The following CAPZB variants were observed in gnomAD, a reference collection of about 807,000 sequenced individuals.
CAPZB encodes capping actin protein of muscle Z-line subunit beta.
A neutral mutation model predicts 38.1 loss-of-function variants in CAPZB; 2 were observed. That is an observed-to-expected ratio of 0.05 (90% CI 0.02 to 0.17). The LOEUF (loss-of-function observed/expected upper bound fraction) is 0.17, where lower values mean the gene tolerates loss of function less well. Among genes scored for constraint, CAPZB ranks in the 10% least tolerant of loss-of-function variants. The probability of loss-of-function intolerance (pLI) is 1.00; values close to 1 mark genes in which losing one functional copy is unlikely to be tolerated. For missense variants in CAPZB, 161 were observed against 334.2 expected (o/e 0.48, Z 4.04); for synonymous variants, 107 against 127.4 (o/e 0.84, Z 1.08).
At chr1:19,362,470 C>T (rs1310103723) in intron 4 of CAPZB, among the ~76,000 whole-genome samples, 3 of 151,964 alleles carry the variant, frequency 2.0e-5, no homozygotes, top group Non-Finnish European at 2.9e-5. Flanking sequence ...CTCCTGGCCT[C>T]GGTCTCCACT....
At position 19,356,327 on chromosome 1, in the gene CAPZB, C is replaced by G; in HGVS notation, c.588+308G>C. Among the ~76,000 whole-genome samples the G allele has an allele frequency of 7.7e-6, 1 of 129,820 alleles. No individual in the cohort carries two copies. The highest frequency in any genetic ancestry group is 2.6e-5 in the African/African-American group (1 of 38,182). The allele number at this position is 129,820 out of a possible 152,430, so 85.2% of individuals were successfully genotyped here. A position where few individuals can be genotyped will look rare whatever the true frequency, so the allele number is the denominator to read the frequency against. On this transcript the variant is annotated intron_variant, in intron 6 of 8. Coordinates refer to ENST00000264202, the MANE Select transcript of CAPZB (RefSeq NM_004930.5). This position sits in a 1 kb window ranked among gnomAD's most constrained non-coding sequence, Gnocchi z 4.3. ...CACAGAGACGGCAAACAGGGCCAAG[C>G]ACCACTTCTCACAGCACAACATGAG... is the stretch of plus-strand genomic sequence containing the variant.
chr1:19,396,403 G>A (rs575930588), intron 2 of CAPZB, among the ~76,000 whole-genome samples: 1 of 152,188 alleles, frequency 6.6e-6, no homozygotes, highest in African/African-American at 2.4e-5. Context: ...GAGACAGACC[G>A]AAACTTGACG....
chr1:19,347,586 C>A (rs1380219110), intron 6 of CAPZB, among the ~76,000 whole-genome samples: 2 of 152,300 alleles, frequency 1.3e-5, no homozygotes, highest in South Asian at 2.1e-4. Context: ...CTATGTGGCA[C>A]CCTGTAGCAG....
At chr1:19,360,218 C>G (rs967484519) in intron 4 of CAPZB, among the ~76,000 whole-genome samples, 2 of 152,214 alleles carry the variant, frequency 1.3e-5, no homozygotes, top group Admixed American at 1.3e-4. Flanking sequence ...CAACTCATAA[C>G]AGACCTGCTA....
intron 6 of CAPZB, among the ~76,000 whole-genome samples, chr1:19,348,980 C>A (rs2093977444): frequency 6.6e-6 from 1 of 152,154 alleles, no homozygotes; most frequent in Admixed American, 6.5e-5. Flanking sequence ...GACCCTCAGA[C>A]CCCAGGGGGT....
At chr1:19,402,017 C>T (rs928766726) in intron 2 of CAPZB, among the ~76,000 whole-genome samples, 7 of 152,182 alleles carry the variant, frequency 4.6e-5, no homozygotes, top group African/African-American at 1.7e-4. Flanking sequence ...CCTATGCCCC[C>T]AGCAGTTATG....
intron 1 of CAPZB, among the ~76,000 whole-genome samples, chr1:19,474,998 C>T (rs1000210150): frequency 4.6e-5 from 7 of 152,062 alleles, no homozygotes; most frequent in Non-Finnish European, 8.8e-5. Context: ...ATGGAGGAGG[C>T]GGGAGATCAG....
chr1:19,339,464 A>T lies in CAPZB; in HGVS notation c.*66T>A. 2.4e-6 allele frequency: 3 copies of T among 1,241,022 alleles called. No individual in the cohort carries two copies. 76.9% of individuals were successfully genotyped at this position (1,241,022 alleles called of 1,614,324 possible). A position where few individuals can be genotyped will look rare whatever the true frequency, so the allele number is the denominator to read the frequency against. The stretch of plus-strand genomic sequence containing the variant: ...GGAAGGGACGAGGGAAGGGAGCAGA[A>T]AACGAGTTTTCTAAGAAAGGAATCT... On this transcript the variant is annotated 3_prime_UTR_variant, in exon 9 of 9. Coordinates refer to ENST00000264202, the MANE Select transcript of CAPZB (RefSeq NM_004930.5).
intron 2 of CAPZB, among the ~76,000 whole-genome samples, chr1:19,394,647 C>T (rs545711880): frequency 4.9e-4 from 74 of 152,068 alleles, no homozygotes; most frequent in Non-Finnish European, 8.4e-4. Flanking sequence ...ATCCAGGAGG[C>T]GGAGGTTGCA....
chr1:19,458,996 C>G (rs900174709), intron 1 of CAPZB, among the ~76,000 whole-genome samples: 12 of 152,226 alleles, frequency 7.9e-5, no homozygotes, highest in Admixed American at 3.9e-4. Context: ...GGAAAGCCAG[C>G]AGGCAAAGTC....
rs888309347 is a variant in CAPZB, at chr1:19,339,153, A to C, written c.*377T>G. 5.0e-5 allele frequency: 11 copies of C among 221,982 alleles called. No homozygotes were observed. The highest frequency in any genetic ancestry group is 8.1e-5 in the Non-Finnish European group (9 of 111,012). 13.8% of individuals were successfully genotyped at this position (221,982 alleles called of 1,614,324 possible). A position where few individuals can be genotyped will look rare whatever the true frequency, so the allele number is the denominator to read the frequency against. On this transcript the variant is annotated 3_prime_UTR_variant, in exon 9 of 9. Coordinates refer to ENST00000264202, the MANE Select transcript of CAPZB (RefSeq NM_004930.5). ...TTTCACACACCACAGTTAGTTCATAAAATTTTTTTGTTTTACATTTTTTAC... is the reference window on the plus strand; with the variant it reads ...TTTCACACACCACAGTTAGTTCATACAATTTTTTTGTTTTACATTTTTTAC...
At chr1:19,410,375 T>A (rs1272648386) in intron 2 of CAPZB, among the ~76,000 whole-genome samples, 1 of 152,198 alleles carries the variant, frequency 6.6e-6, no homozygotes, top group African/African-American at 2.4e-5. Context: ...TTTTCCAAAA[T>A]TTTTACATTT....
chr1:19,456,778 C>A (rs1214308981), intron 1 of CAPZB, among the ~76,000 whole-genome samples: 4 of 152,184 alleles, frequency 2.6e-5, no homozygotes, highest in Admixed American at 2.6e-4. Flanking sequence ...GAATCCCAAA[C>A]CTAACAAAAA....
intron 2 of CAPZB, among the ~76,000 whole-genome samples, chr1:19,396,115 ACTC>A (rs2094267334): frequency 6.6e-6 from 1 of 152,104 alleles, no homozygotes; most frequent in Admixed American, 6.5e-5. Flanking sequence ...CCCCGCCTCT[ACTC>A]CTGCACCCTG....
chr1:19,402,723 C>T lies in CAPZB; in HGVS notation c.93+16938G>A, dbSNP rs75715454. ...GTGGGCCACGGTGTCCTCTGTGGTG[C>T]TCTGCAGTGCCCATGTTCCTCACAT... On this transcript the variant is annotated intron_variant, in intron 2 of 8. Transcript: ENST00000264202. Among the ~76,000 whole-genome samples the T allele has an allele frequency of 9.4e-3, 1,431 of 152,312 alleles. 61 individuals carry two copies. In the East Asian group the frequency reaches 0.13, roughly 13 times the overall value.
intron 1 of CAPZB, among the ~76,000 whole-genome samples, chr1:19,468,569 G>C (rs2094575999): frequency 6.6e-6 from 1 of 151,940 alleles, no homozygotes; most frequent in Non-Finnish European, 1.5e-5. Context: ...GGGTGGGGCG[G>C]AGCAGGGCAG....
At chr1:19,479,563 A>G (rs2094620164) in intron 1 of CAPZB, among the ~76,000 whole-genome samples, 1 of 152,176 alleles carries the variant, frequency 6.6e-6, no homozygotes, top group African/African-American at 2.4e-5. Flanking sequence ...CAGAGGTGGT[A>G]AATCATTCCG....
chr1:19,345,272 T>A lies in CAPZB; in HGVS notation c.589-20A>T, dbSNP rs72651465. ...CTCCATCTGCAAAAGACAGAAACATTCCAAGTCAGAGAAAGCCAGAGATTT... is the reference window on the plus strand; with the variant it reads ...CTCCATCTGCAAAAGACAGAAACATACCAAGTCAGAGAAAGCCAGAGATTT... On this transcript the variant is annotated intron_variant, in intron 6 of 8. Transcript: ENST00000264202. The A allele has an allele frequency of 7.6e-3, 12,134 of 1,604,666 alleles. 59 individuals are homozygous for A. The highest frequency in any genetic ancestry group is 8.6e-3 in the Non-Finnish European group (10,118 of 1,172,066).
chr1:19,417,084 T>C (rs962806206), intron 2 of CAPZB, among the ~76,000 whole-genome samples: 3 of 151,942 alleles, frequency 2.0e-5, no homozygotes, highest in African/African-American at 7.3e-5. Flanking sequence ...GCAATTTCCC[T>C]GTTGAGCCCA....
Sources: allele counts gnomAD v4.1 joint callset (sites outside exome capture counted in the v4.1 genomes callset), GRCh38; gene constraint gnomAD v4.1.1; non-coding constraint Gnocchi (gnomAD v3.1); transcripts MANE v1.5; gene names NCBI Gene and HGNC (gene_info 2026-07-23, HGNC 2026-07-21).